The following CELF5 variants were observed in gnomAD, a reference collection of about 807,000 sequenced individuals.
CELF5 encodes CUG-BP and ETR-3 like factor 5.
A neutral mutation model predicts 54.9 loss-of-function variants in CELF5; 6 were observed. The ratio of observed to expected loss-of-function variants is 0.11; its 90% CI spans 0.06 to 0.22. The LOEUF is 0.22. Ranked by LOEUF, CELF5 falls within the 10% of genes least tolerant of loss-of-function variation. The pLI is 1.00. For synonymous variants in CELF5, 271 were observed against 290.9 expected (o/e 0.93, Z 0.70); for missense variants, 401 against 678.6 (o/e 0.59, Z 4.54).
Position 3,224,690 on chromosome 19 carries a change from G to C in CELF5, c.-50G>C. The C allele has an allele frequency of 1.0e-6, 1 of 993,384 alleles. No individual in the cohort carries two copies. The highest frequency in any genetic ancestry group is 1.2e-6 in the Non-Finnish European group (1 of 836,140). 61.5% of individuals were successfully genotyped at this position (993,384 alleles called of 1,614,324 possible). A position where few individuals can be genotyped will look rare whatever the true frequency, so the allele number is the denominator to read the frequency against. On this transcript the variant is annotated 5_prime_UTR_variant, in exon 1 of 13. Transcript: ENST00000292672. ...GGCGCGGCCGCCGCTCCAGCTGCGA[G>C]TCCGCCCGCCGCCCGCCGCCGCCGC...
Position 3,284,933 on chromosome 19 carries a change from T to G in CELF5, c.1071T>G (p.His357Gln). Residue 357 changes from histidine (H) to glutamine (Q), a missense_variant, in exon 9 of 13, where the codon CAT becomes CAG. His to Gln is a conservative substitution (Grantham distance 24). Coordinates refer to ENST00000292672, the MANE Select transcript of CELF5 (RefSeq NM_021938.4). ...AQSPTVAETL[H>Q]PAFSGVQQYT... Reference sequence around the variant, plus strand: ...GCCCGACTGTGGCCGAGACACTGCATCCTGCCTTCTCCGGAGTCCAGCAGT... The same window carrying G: ...GCCCGACTGTGGCCGAGACACTGCAGCCTGCCTTCTCCGGAGTCCAGCAGT... 6.2e-7 allele frequency: 1 copy of G among 1,612,696 alleles called. No homozygotes were observed. The highest frequency in any genetic ancestry group is 8.5e-7 in the Non-Finnish European group (1 of 1,179,572).
At chr19:3,238,897 A>G (rs2079452860) in intron 1 of CELF5, among the ~76,000 whole-genome samples, 1 of 152,158 alleles carries the variant, frequency 6.6e-6, no homozygotes, top group African/African-American at 2.4e-5. Flanking sequence ...ATTGCACTCT[A>G]GCCTGGGCAA....
intron 2 of CELF5, among the ~76,000 whole-genome samples, chr19:3,266,691 C>A (rs1397193659): frequency 6.6e-6 from 1 of 152,254 alleles, no homozygotes; most frequent in Non-Finnish European, 1.5e-5. Context: ...CTAACACCCA[C>A]CTGCTTGGCA....
intron 1 of CELF5, among the ~76,000 whole-genome samples, chr19:3,232,347 G>T (rs1030942614): frequency 3.9e-5 from 6 of 152,030 alleles, no homozygotes; most frequent in African/African-American, 1.5e-4. Flanking sequence ...TTGAGCCCAG[G>T]AGTTCAAGAC....
At chr19:3,232,608 T>C (rs1215427476) in intron 1 of CELF5, among the ~76,000 whole-genome samples, 1 of 151,994 alleles carries the variant, frequency 6.6e-6, no homozygotes, top group Admixed American at 6.6e-5. Flanking sequence ...AATAATGACT[T>C]GCATATTGTA....
At chr19:3,229,060 C>G (rs144430894) in intron 1 of CELF5, among the ~76,000 whole-genome samples, 1,584 of 152,080 alleles carry the variant, frequency 0.01, 14 homozygotes, top group Non-Finnish European at 0.016. Context: ...AGCCTCACAC[C>G]TGTGACTGTG....
chr19:3,253,977 C>G (rs1423760035), intron 2 of CELF5, among the ~76,000 whole-genome samples: 3 of 152,176 alleles, frequency 2.0e-5, no homozygotes, highest in Non-Finnish European at 2.9e-5. Context: ...ATTCCACTGT[C>G]TGAGGCCTTA....
chr19:3,239,113 T>A (rs1391009768), intron 1 of CELF5, among the ~76,000 whole-genome samples: 1 of 152,126 alleles, frequency 6.6e-6, no homozygotes, highest in Admixed American at 6.6e-5. Context: ...AATTTTAATT[T>A]TTTTGAGACA....
chr19:3,226,107 G>A (rs1916892790), intron 1 of CELF5, among the ~76,000 whole-genome samples: 1 of 151,042 alleles, frequency 6.6e-6, no homozygotes, highest in South Asian at 2.1e-4. Context: ...CACTTCAAAG[G>A]CCTTGTGCTG....
At chr19:3,236,779 T>A (rs534575429) in intron 1 of CELF5, among the ~76,000 whole-genome samples, 388 of 147,612 alleles carry the variant, frequency 2.6e-3, no homozygotes, top group Non-Finnish European at 5.0e-3. Context: ...AGGCCAGGAG[T>A]TTGAGACCAG....
chr19:3,225,592 C>T, intron 1 of CELF5: 1 of 983,386 alleles, frequency 1.0e-6, no homozygotes, highest in Non-Finnish European at 1.2e-6. Context: ...GCGGGGGACA[C>T]GGATGCCCAG....
chr19:3,264,906 G>A (rs1276025393), intron 2 of CELF5, among the ~76,000 whole-genome samples: 1 of 151,808 alleles, frequency 6.6e-6, no homozygotes, highest in East Asian at 1.9e-4. Context: ...ATAGAGATAG[G>A]GTTTCATCAT....
At chr19:3,253,778 G>A (rs1300292816) in intron 2 of CELF5, among the ~76,000 whole-genome samples, 3 of 150,432 alleles carry the variant, frequency 2.0e-5, no homozygotes, top group African/African-American at 7.3e-5. Context: ...ATTCATCTAA[G>A]TTTAGTGAAC....
Position 3,275,685 on chromosome 19 carries a change from A to AG in CELF5, c.395-168dup, listed in dbSNP as rs1396155415. ...GTGGGAGGGTGGAGAGATCCGGGGC[A>AG]GGGAAAGGGCGCGGCTGGGTCCTCC... On this transcript the variant is annotated intron_variant, in intron 3 of 12. Coordinates refer to ENST00000292672, the MANE Select transcript of CELF5 (RefSeq NM_021938.4). This position sits in a 1 kb window ranked among gnomAD's most constrained non-coding sequence, Gnocchi z 6.7. Among the ~76,000 whole-genome samples the AG allele has an allele frequency of 6.6e-6, 1 of 151,984 alleles. No homozygotes were observed. The highest frequency in any genetic ancestry group is 2.4e-5 in the African/African-American group (1 of 41,400).
rs529271667 is a variant in CELF5, at chr19:3,282,343, G to T, written c.893-9G>T. ...ACTGGCCTCCCCATGACCCTCTTCC[G>T]CTCTGCAGGGCTGCACTCACCCCCG... On this transcript the variant is annotated splice_polypyrimidine_tract_variant and intron_variant, in intron 7 of 12. Transcript: ENST00000292672. The surrounding 1 kb of genome is among the most constrained non-coding windows in gnomAD (Gnocchi z 5.2). The T allele has an allele frequency of 6.2e-7, 1 of 1,608,524 alleles. No individual in the cohort carries two copies. The highest frequency in any genetic ancestry group is 1.1e-5 in the South Asian group (1 of 91,010).
At chr19:3,235,418 C>T (rs905647029) in intron 1 of CELF5, among the ~76,000 whole-genome samples, 2 of 144,656 alleles carry the variant, frequency 1.4e-5, no homozygotes, top group Non-Finnish European at 3.0e-5. Context: ...CTCATTAGCA[C>T]AGAGATTTTC....
In CELF5 at chr19:3,251,067, A is replaced by G. The variant is rs1169820524; in HGVS notation, c.342A>G (p.Gly114=). The G allele has an allele frequency of 6.2e-7, 1 of 1,609,292 alleles. No individual in the cohort carries two copies. Among genetic ancestry groups the G allele is most frequent in the South Asian group, 1.1e-5 (1 of 90,986 alleles). The change falls in exon 2 of 13, where the codon GGA becomes GGG. Residue 114 remains glycine, a splice_region_variant and synonymous_variant. Coordinates refer to ENST00000292672, the MANE Select transcript of CELF5 (RefSeq NM_021938.4). ...TALHEQKTLP[G]MARPIQVKPA... ...TGCACGAGCAGAAGACCTTGCCCGG[A>G]GTGAGTCCTGTGTGGTGTCTGGGGA...
intron 5 of CELF5, among the ~76,000 whole-genome samples, chr19:3,280,683 G>A (rs1422932832): frequency 1.3e-5 from 2 of 152,178 alleles, no homozygotes; most frequent in Non-Finnish European, 2.9e-5. Context: ...CCTGTGGCTG[G>A]AGTCTCACCT....
rs765687332 is a variant in CELF5 at position 3,276,020 on chromosome 19, G to T, written c.523+36G>T. The T allele has an allele frequency of 2.0e-6, 3 of 1,534,206 alleles. No individual in the cohort carries two copies. The African/African-American group carries it at 4.2e-5, about 21-fold the overall frequency. ...GGGGCCGGGGCGGGACTGCGAGAGG[G>T]GCCGGGCTAGCTCTGGGGGCGGGGC... On this transcript the variant is annotated intron_variant, in intron 4 of 12. Coordinates refer to ENST00000292672, the MANE Select transcript of CELF5 (RefSeq NM_021938.4).
Sources: gnomAD v4.1 joint callset for allele counts (sites outside exome capture counted in the v4.1 genomes callset) on GRCh38, gnomAD v4.1.1 for gene constraint, Gnocchi (gnomAD v3.1) non-coding constraint, MANE v1.5 for transcripts, NCBI Gene and HGNC (gene_info 2026-07-23, HGNC 2026-07-21) for gene names.